PHTF2: variants seen among roughly 807,000 people sequenced by gnomAD.
PHTF2 encodes putative homeodomain transcription factor 2, also known as protein PHTF2.
In PHTF2, 60 loss-of-function variants were observed where a neutral mutation model predicts 101.2. That is an observed-to-expected ratio of 0.59 (90% CI 0.48 to 0.73). PHTF2 has a LOEUF of 0.73. Ranked by LOEUF, PHTF2 falls within the 30% of genes least tolerant of loss-of-function variation. PHTF2 has a pLI of 0.00. For synonymous variants in PHTF2, 311 were observed against 307.3 expected (o/e 1.01, Z -0.13); for missense variants, 747 against 908.7 (o/e 0.82, Z 2.29).
chr7:77,823,011 TCTC>T (rs1463177223), intron 1 of PHTF2, among the ~76,000 whole-genome samples: 1 of 150,482 alleles, frequency 6.6e-6, no homozygotes, highest in African/African-American at 2.5e-5. Flanking sequence ...TTCACGCCAT[TCTC>T]CTGCCTCAGC....
chr7:77,816,775 A>G (rs968684396), intron 1 of PHTF2, among the ~76,000 whole-genome samples: 5 of 152,092 alleles, frequency 3.3e-5, no homozygotes, highest in Non-Finnish European at 7.4e-5. Flanking sequence ...TTTTACTTCT[A>G]TGAGATCAGC....
rs563593307 is a variant in PHTF2, at chr7:77,847,284, G to A, written c.45+6984G>A. On this transcript the variant is annotated intron_variant, in intron 2 of 19. Transcript: ENST00000416283. ...TTAAGATCTACCAAAAAGAAGTACT[G>A]AACCATAGACAAATGCGCTTATTAC... 3.3e-5 allele frequency among the ~76,000 whole-genome samples: 5 copies of A among 152,302 alleles called. No individual in the cohort carries two copies. The South Asian group carries it at 1.0e-3, about 32-fold the overall frequency.
intron 13 of PHTF2, among the ~76,000 whole-genome samples, chr7:77,938,502 G>A (rs1487694399): frequency 2.0e-5 from 3 of 151,968 alleles, no homozygotes; most frequent in South Asian, 4.1e-4. Flanking sequence ...AGGCTGAGGC[G>A]GGCGGATCAC....
exon 20 of PHTF2, chr7:77,955,414 A>G (rs2151006893): frequency 6.5e-6 from 1 of 152,750 alleles, no homozygotes; most frequent in African/African-American, 2.4e-5. Flanking sequence ...GTATTAATAT[A>G]TACGGTATTA....
intron 16 of PHTF2, among the ~76,000 whole-genome samples, chr7:77,948,286 T>A (rs2150991214): frequency 6.6e-6 from 1 of 152,300 alleles, no homozygotes; most frequent in Middle Eastern, 3.4e-3. Flanking sequence ...TAGCCATATA[T>A]ATGTAGAAAC....
intron 2 of PHTF2, among the ~76,000 whole-genome samples, chr7:77,847,349 A>G (rs67320554): frequency 0.061 from 9,269 of 152,222 alleles, 394 homozygotes; most frequent in Middle Eastern, 0.088. Flanking sequence ...GTAATTTTAA[A>G]CTACCATGCT....
intron 1 of PHTF2, among the ~76,000 whole-genome samples, chr7:77,831,818 T>C (rs1763989950): frequency 6.6e-6 from 1 of 152,210 alleles, no homozygotes; most frequent in African/African-American, 2.4e-5. Flanking sequence ...AAATGCTGGC[T>C]AGGCACAAAA....
intron 3 of PHTF2, among the ~76,000 whole-genome samples, chr7:77,887,761 A>G (rs1320074703): frequency 1.3e-5 from 2 of 152,210 alleles, no homozygotes; most frequent in Non-Finnish European, 2.9e-5. Context: ...AGGAATGGAA[A>G]AGCTGACTGT....
intron 1 of PHTF2, among the ~76,000 whole-genome samples, chr7:77,817,569 A>G (rs1793944707): frequency 6.6e-6 from 1 of 151,686 alleles, no homozygotes; most frequent in African/African-American, 2.4e-5. Context: ...TCACAAGAAT[A>G]GCATGAGGGA....
intron 3 of PHTF2, among the ~76,000 whole-genome samples, chr7:77,863,034 A>T (rs1797769727): frequency 6.6e-6 from 1 of 152,208 alleles, no homozygotes; most frequent in Non-Finnish European, 1.5e-5. Context: ...CCAAGGATTG[A>T]TTCACAGAGA....
intron 16 of PHTF2, among the ~76,000 whole-genome samples, chr7:77,945,157 T>C (rs1805943861): frequency 1.3e-5 from 2 of 152,148 alleles, no homozygotes; most frequent in South Asian, 4.1e-4. Context: ...CTGGCCAATA[T>C]GGTGAAACCT....
chr7:77,808,918 T>TG (rs1329679035), intron 1 of PHTF2, among the ~76,000 whole-genome samples: 1 of 152,182 alleles, frequency 6.6e-6, no homozygotes, highest in African/African-American at 2.4e-5. Context: ...AGTTTTTAAA[T>TG]GGAGAGGAAT....
intron 3 of PHTF2, among the ~76,000 whole-genome samples, chr7:77,865,526 A>G (rs1318609999): frequency 2.6e-5 from 4 of 152,138 alleles, no homozygotes; most frequent in Admixed American, 6.5e-5. Flanking sequence ...CACCCAGCCA[A>G]TCTCTTTTAT....
exon 11 of PHTF2, chr7:77,922,731 C>A: frequency 6.2e-7 from 1 of 1,607,592 alleles, no homozygotes. Flanking sequence ...TGAAGGTGTT[C>A]TTCGGAATAG....
intron 12 of PHTF2, among the ~76,000 whole-genome samples, chr7:77,934,433 T>C (rs1192026275): frequency 6.6e-6 from 1 of 152,222 alleles, no homozygotes; most frequent in Non-Finnish European, 1.5e-5. Flanking sequence ...ATTCCCACAG[T>C]TGGAAACACG....
intron 2 of PHTF2, among the ~76,000 whole-genome samples, chr7:77,843,999 CACTT>C (rs1405415483): frequency 1.3e-5 from 2 of 151,984 alleles, no homozygotes; most frequent in East Asian, 1.9e-4. Flanking sequence ...GTTAGTAACT[CACTT>C]CTTTTTATTT....
intron 9 of PHTF2, among the ~76,000 whole-genome samples, chr7:77,912,513 A>C (rs905700938): frequency 2.0e-5 from 3 of 152,114 alleles, no homozygotes; most frequent in African/African-American, 7.2e-5. Context: ...TCTGGTGATA[A>C]ATTGAAAAGC....
At chr7:77,824,151 TG>T (rs925011740) in intron 1 of PHTF2, among the ~76,000 whole-genome samples, 8 of 151,868 alleles carry the variant, frequency 5.3e-5, no homozygotes, top group Non-Finnish European at 7.4e-5. Flanking sequence ...TTGATAGTGG[TG>T]GGAGGTGGGA....
At chr7:77,845,554 G>C (rs2150595328) in intron 2 of PHTF2, among the ~76,000 whole-genome samples, 1 of 152,316 alleles carries the variant, frequency 6.6e-6, no homozygotes, top group African/African-American at 2.4e-5. Context: ...ACATGAACTT[G>C]ACTGGTAACT....
Sources: allele counts gnomAD v4.1 joint callset (sites outside exome capture counted in the v4.1 genomes callset), GRCh38; gene constraint gnomAD v4.1.1; transcripts MANE v1.5; gene names NCBI Gene and HGNC (gene_info 2026-07-23, HGNC 2026-07-21).